Variants in ZNF469 observed in about 807,000 individuals in gnomAD.
ZNF469 encodes zinc finger protein 469.
A neutral mutation model predicts 1.0 loss-of-function variants in ZNF469; 1 was observed. That is an observed-to-expected ratio of 1.00 (90% CI 0.35 to 4.73). ZNF469 has a LOEUF of 4.73. Ranked by LOEUF, ZNF469 falls within the 30% of genes most tolerant of loss-of-function variation. The pLI, the probability that ZNF469 is intolerant of heterozygous loss-of-function variation, is 0.16. For missense variants in ZNF469, 6,100 were observed against 5,356.3 expected (o/e 1.14, Z -4.33); for synonymous variants, 2,703 against 2,363.4 (o/e 1.14, Z -4.17).
chr16:88,268,746 G>A, the ZNF469 span, among the ~76,000 whole-genome samples: 3 of 152,186 alleles, frequency 2.0e-5, no homozygotes, highest in Non-Finnish European at 4.4e-5. Flanking sequence ...CTAAGCCCGG[G>A]CCACCATAAC....
chr16:88,438,507 A>G lies in ZNF469; in HGVS notation c.11037A>G (p.Ser3679=). The change falls in exon 3 of 3, where the codon TCA becomes TCG. Residue 3679 remains serine, a synonymous_variant. Coordinates refer to ENST00000565624, the MANE Select transcript of ZNF469 (RefSeq NM_001367624.2). The part of the protein sequence containing the change: ...SATKPAGCQS[S]SKDRSAASTP... The stretch of plus-strand genomic sequence containing the variant: ...CCAAGCCTGCGGGCTGCCAGAGCTC[A>G]TCAAAGGACAGGTCGGCAGCATCCA... 1 of 1,550,084 alleles carries G rather than the reference A, an allele frequency of 6.5e-7. No homozygotes were observed. The highest frequency in any genetic ancestry group is 1.4e-5 in the African/African-American group (1 of 73,144).
the ZNF469 span, among the ~76,000 whole-genome samples, chr16:88,227,276 A>C: frequency 5.3e-5 from 8 of 152,154 alleles, no homozygotes; most frequent in Non-Finnish European, 1.0e-4. Context: ...GGCCGGGAAC[A>C]GTGTCTAGCA....
At chr16:88,321,504 G>A in the ZNF469 span, among the ~76,000 whole-genome samples, 1 of 152,122 alleles carries the variant, frequency 6.6e-6, no homozygotes, top group Admixed American at 6.5e-5. Flanking sequence ...CTGCATGTCA[G>A]GCCTCACCTG....
chr16:88,281,929 G>A, the ZNF469 span, among the ~76,000 whole-genome samples: 901 of 152,324 alleles, frequency 5.9e-3, 8 homozygotes, highest in African/African-American at 0.02. Flanking sequence ...ATTGGTGCAC[G>A]GGTCAGTGCA....
chr16:88,434,553 CT>C lies in ZNF469; in HGVS notation c.7084del (p.Ser2362ProfsTer111). 6.5e-7 allele frequency: 1 copy of C among 1,550,330 alleles called. No individual in the cohort carries two copies. Among genetic ancestry groups the C allele is most frequent in the Non-Finnish European group, 8.7e-7 (1 of 1,146,934 alleles). On this transcript the variant is annotated frameshift_variant, in exon 3 of 3. Transcript: ENST00000565624. LOFTEE classifies it low-confidence loss of function (END_TRUNC). ...PPTLQGAGPD[S>X]PACLEGEMGT... ...CCACGCTACAGGGTGCAGGGCCGGA[CT>C]CCCCCGCCTGCCTGGAAGGTGAGAT...
At chr16:88,113,986 C>G in the ZNF469 span, among the ~76,000 whole-genome samples, 5 of 152,170 alleles carry the variant, frequency 3.3e-5, no homozygotes, top group African/African-American at 1.2e-4. Flanking sequence ...ATGGGAGGTC[C>G]TGTGGTCCCA....
the ZNF469 span, among the ~76,000 whole-genome samples, chr16:88,132,742 G>C: frequency 6.6e-6 from 1 of 152,200 alleles, no homozygotes; most frequent in African/African-American, 2.4e-5. Context: ...CTGTGCACCT[G>C]GCTGAGTGTC....
the ZNF469 span, among the ~76,000 whole-genome samples, chr16:88,274,696 A>C: frequency 2.0e-5 from 3 of 152,216 alleles, no homozygotes; most frequent in African/African-American, 7.2e-5. Flanking sequence ...CCTTGGAAGA[A>C]GGTTTTAAAA....
At chr16:88,340,975 G>C in the ZNF469 span, among the ~76,000 whole-genome samples, 1 of 152,080 alleles carries the variant, frequency 6.6e-6, no homozygotes, top group Admixed American at 6.5e-5. Context: ...CCCGGGGCCC[G>C]GGCAAAGCGG....
At chr16:88,245,796 C>G in the ZNF469 span, among the ~76,000 whole-genome samples, 1 of 152,268 alleles carries the variant, frequency 6.6e-6, no homozygotes, top group African/African-American at 2.4e-5. Flanking sequence ...CATGCAGCCA[C>G]CAGACACTAG....
At chr16:88,314,549 G>C in the ZNF469 span, among the ~76,000 whole-genome samples, 1 of 148,860 alleles carries the variant, frequency 6.7e-6, no homozygotes, top group Non-Finnish European at 1.5e-5. Context: ...TGATGATGCT[G>C]GTGTGGACTG....
At chr16:88,315,450 C>T in the ZNF469 span, among the ~76,000 whole-genome samples, 3 of 152,238 alleles carry the variant, frequency 2.0e-5, no homozygotes, top group African/African-American at 4.8e-5. Context: ...TCTGGCCTGA[C>T]GCTCACCCTG....
chr16:88,296,740 C>CACACATACACAGGT, the ZNF469 span, among the ~76,000 whole-genome samples: 3 of 150,102 alleles, frequency 2.0e-5, no homozygotes, highest in Non-Finnish European at 4.4e-5. Context: ...TCCACCCACA[C>CACACATACACAGGT]ACACATACAC....
At chr16:88,119,266 A>G in the ZNF469 span, among the ~76,000 whole-genome samples, 4 of 152,112 alleles carry the variant, frequency 2.6e-5, no homozygotes, top group African/African-American at 9.7e-5. Flanking sequence ...GAAATTCACT[A>G]TTTCATGATC....
the ZNF469 span, among the ~76,000 whole-genome samples, chr16:88,202,558 G>T: frequency 1.3e-5 from 2 of 152,218 alleles, no homozygotes; most frequent in African/African-American, 4.8e-5. Flanking sequence ...GGGCGGGGCA[G>T]GTGCTGGCTC....
chr16:88,155,261 GC>G, the ZNF469 span, among the ~76,000 whole-genome samples: 21 of 152,246 alleles, frequency 1.4e-4, no homozygotes, highest in Non-Finnish European at 2.8e-4. Flanking sequence ...TGTGTGTGCA[GC>G]CCCCTGCTGA....
chr16:88,196,855 C>T, the ZNF469 span, among the ~76,000 whole-genome samples: 23,079 of 152,212 alleles, frequency 0.15, 1,901 homozygotes, highest in East Asian at 0.21. Flanking sequence ...TGAGAGTGCA[C>T]ACACCTCCAT....
Position 88,437,376 on chromosome 16 carries a change from G to A in ZNF469, c.9906G>A (p.Pro3302=), listed in dbSNP as rs1363407946. Residue 3302 remains proline, a synonymous_variant, in exon 3 of 3, where the codon CCG becomes CCA. Transcript: ENST00000565624. ...CCGCCCTGGCTGACGCCGGCAGCCC[G>A]GGCCCCCCCAGGACGACCCCCAGCC... The part of the protein sequence containing the change: ...SATALADAGS[P]GPPRTTPSPS... The A allele has an allele frequency of 7.1e-6, 11 of 1,538,662 alleles. No homozygotes were observed. Among genetic ancestry groups the A allele is most frequent in the Middle Eastern group, 2.1e-4 (1 of 4,736 alleles).
At chr16:88,121,243 G>GC in the ZNF469 span, among the ~76,000 whole-genome samples, 74,381 of 117,038 alleles carry the variant, frequency 0.64, 23,928 homozygotes, top group Non-Finnish European at 0.7. Context: ...AGGTTGGGGG[G>GC]TGGGGGCGCT....
Sources: allele counts gnomAD v4.1 joint callset (sites outside exome capture counted in the v4.1 genomes callset), GRCh38; gene constraint gnomAD v4.1.1; transcripts MANE v1.5; gene names NCBI Gene and HGNC (gene_info 2026-07-23, HGNC 2026-07-21).